FBXL17: variants seen among roughly 807,000 people sequenced by gnomAD.
FBXL17 encodes the protein F-box/LRR-repeat protein 17.
Under a neutral mutation model 66.2 loss-of-function variants are expected in FBXL17, and 22 were observed. The observed-to-expected ratio is 0.33, with a 90% CI of 0.24 to 0.47. The LOEUF is 0.47. Among genes scored for constraint, FBXL17 ranks in the 20% least tolerant of loss-of-function variants. The pLI is 1.00. For missense variants in FBXL17, 878 were observed against 948.2 expected (o/e 0.93, Z 0.97); for synonymous variants, 474 against 400.5 (o/e 1.18, Z -2.19).
At chr5:108,203,915 A>AAACATTTAACATTTCC (rs1402046778) in intron 5 of FBXL17, among the ~76,000 whole-genome samples, 5 of 152,154 alleles carry the variant, frequency 3.3e-5, no homozygotes, top group African/African-American at 9.6e-5. Context: ...TTTCCTTTAA[A>AAACATTTAACATTTCC]AACATTTAAC....
chr5:108,134,814 A>G (rs560525127), intron 6 of FBXL17, among the ~76,000 whole-genome samples: 1 of 152,294 alleles, frequency 6.6e-6, no homozygotes, highest in South Asian at 2.1e-4. Flanking sequence ...CTTCTGCAGA[A>G]ATCCTCAGAT....
chr5:108,087,057 T>G (rs1749002844), intron 6 of FBXL17, among the ~76,000 whole-genome samples: 1 of 152,132 alleles, frequency 6.6e-6, no homozygotes, highest in Admixed American at 6.5e-5. Flanking sequence ...ACACTGTCCA[T>G]GCACTGAATA....
intron 7 of FBXL17, among the ~76,000 whole-genome samples, chr5:107,977,091 T>C (rs1016185389): frequency 2.6e-4 from 39 of 152,176 alleles, no homozygotes; most frequent in African/African-American, 9.2e-4. Context: ...TAGTTGGGTA[T>C]AGGCAAGCAG....
intron 6 of FBXL17, among the ~76,000 whole-genome samples, chr5:108,162,421 A>AC (rs1456749525): frequency 1.3e-5 from 2 of 152,156 alleles, no homozygotes; most frequent in African/African-American, 2.4e-5. Context: ...GCTTGAGCCC[A>AC]CAAGTTCAAG....
Position 108,382,009 on chromosome 5 carries a change from G to T in FBXL17, c.-318C>A. 1 of 1,138,800 alleles carries T rather than the reference G, an allele frequency of 8.8e-7. No individual in the cohort carries two copies. The highest frequency in any genetic ancestry group is 4.1e-5 in the East Asian group (1 of 24,656). The allele number at this position is 1,138,800 out of a possible 1,614,324, so 70.5% of individuals were successfully genotyped here. A position where few individuals can be genotyped will look rare whatever the true frequency, so the allele number is the denominator to read the frequency against. The stretch of plus-strand genomic sequence containing the variant: ...AGTCCGGGCCCGGCCAGCCGGCTCA[G>T]TCAGTCAGCGGAGCGGCCGGGGAAA... On this transcript the variant is annotated 5_prime_UTR_variant, in exon 1 of 9. The change creates a new upstream start codon in the 5' untranslated region. Transcript: ENST00000542267.
At chr5:108,376,263 A>G (rs1749415064) in intron 1 of FBXL17, among the ~76,000 whole-genome samples, 1 of 152,178 alleles carries the variant, frequency 6.6e-6, no homozygotes, top group South Asian at 2.1e-4. Context: ...ATTGTACTGG[A>G]GATTCTGGCT....
chr5:108,317,830 A>G (rs547592066), intron 4 of FBXL17, among the ~76,000 whole-genome samples: 8 of 151,494 alleles, frequency 5.3e-5, no homozygotes, highest in African/African-American at 1.9e-4. Flanking sequence ...TATTAATGTA[A>G]ATGCAAAAGG....
At chr5:108,239,452 G>A (rs1755755192) in intron 4 of FBXL17, among the ~76,000 whole-genome samples, 1 of 152,160 alleles carries the variant, frequency 6.6e-6, no homozygotes, top group Non-Finnish European at 1.5e-5. Context: ...GTGCTTCCCT[G>A]TCATAGCGGA....
intron 4 of FBXL17, among the ~76,000 whole-genome samples, chr5:108,304,747 G>T (rs1186418946): frequency 1.3e-5 from 2 of 151,714 alleles, no homozygotes; most frequent in Non-Finnish European, 1.5e-5. Flanking sequence ...CCCTCATTTG[G>T]TATTTCTACC....
chr5:107,871,899 A>G (rs1748468878), intron 8 of FBXL17, among the ~76,000 whole-genome samples: 1 of 152,162 alleles, frequency 6.6e-6, no homozygotes, highest in Non-Finnish European at 1.5e-5. Context: ...ATTGAGGGGG[A>G]AAGCTCTCTG....
chr5:107,868,447 G>C (rs1278027064), intron 8 of FBXL17, among the ~76,000 whole-genome samples: 1 of 152,228 alleles, frequency 6.6e-6, no homozygotes, highest in Non-Finnish European at 1.5e-5. Context: ...TGGGTTGCAT[G>C]AGACTTTGAA....
rs1297236461 is a variant in FBXL17, at chr5:107,860,467, A to G, written c.*1253T>C. ...AATTGTAAAGATGTGTTAAATCAAA[A>G]CATATATTCATTTACTGATAGGTCT... On this transcript the variant is annotated 3_prime_UTR_variant, in exon 9 of 9. Coordinates refer to ENST00000542267, the MANE Select transcript of FBXL17 (RefSeq NM_001163315.3). 1 of 152,658 alleles carries G rather than the reference A, an allele frequency of 6.6e-6. No individual in the cohort carries two copies. The highest frequency in any genetic ancestry group is 2.4e-5 in the African/African-American group (1 of 41,468). The allele number at this position is 152,658 out of a possible 1,614,324, so 9.5% of individuals were successfully genotyped here.
At chr5:108,322,926 T>C (rs1343433709) in intron 4 of FBXL17, among the ~76,000 whole-genome samples, 2 of 151,952 alleles carry the variant, frequency 1.3e-5, no homozygotes, top group African/African-American at 4.8e-5. Flanking sequence ...CTAGAAAATG[T>C]ATAATGTGTA....
intron 3 of FBXL17, among the ~76,000 whole-genome samples, chr5:108,354,468 G>T (rs1196935829): frequency 6.6e-6 from 1 of 151,764 alleles, no homozygotes; most frequent in African/African-American, 2.4e-5. Context: ...GAAAAAAAAT[G>T]AACAGAATAT....
chr5:107,937,626 T>C (rs781685182), intron 7 of FBXL17, among the ~76,000 whole-genome samples: 1 of 152,196 alleles, frequency 6.6e-6, no homozygotes, highest in Non-Finnish European at 1.5e-5. Flanking sequence ...ACAATAATAC[T>C]GTAAGCTCCT....
chr5:108,020,335 C>A (rs1435054746), intron 7 of FBXL17, among the ~76,000 whole-genome samples: 2 of 151,840 alleles, frequency 1.3e-5, no homozygotes, highest in Admixed American at 6.6e-5. Flanking sequence ...ATTACTGCGA[C>A]AATATGACTT....
rs530355879 is a variant in FBXL17, at chr5:107,968,514, T to C, written c.1822+52411A>G. Reference sequence around the variant, plus strand: ...ACTCTTGCTAAACCATTCATAAATATGGAAAACATGGGATGAGAAACACTA... The same window carrying C: ...ACTCTTGCTAAACCATTCATAAATACGGAAAACATGGGATGAGAAACACTA... On this transcript the variant is annotated intron_variant, in intron 7 of 8. Transcript: ENST00000542267. Among the ~76,000 whole-genome samples, 17 of 152,210 alleles carry C rather than the reference T, an allele frequency of 1.1e-4. No individual in the cohort carries two copies. In the South Asian group the frequency reaches 1.9e-3, roughly 17 times the overall value.
At chr5:108,017,687 C>T (rs917720114) in intron 7 of FBXL17, among the ~76,000 whole-genome samples, 1 of 152,118 alleles carries the variant, frequency 6.6e-6, no homozygotes, top group Admixed American at 6.6e-5. Context: ...TTCCACAACA[C>T]TGCCAATGAC....
intron 4 of FBXL17, among the ~76,000 whole-genome samples, chr5:108,278,943 C>A (rs1403548785): frequency 2.0e-5 from 3 of 152,288 alleles, no homozygotes; most frequent in Non-Finnish European, 2.9e-5. Flanking sequence ...AGGTTACAAA[C>A]CCAATCCACC....
Sources: gnomAD v4.1 joint callset for allele counts (sites outside exome capture counted in the v4.1 genomes callset) on GRCh38, gnomAD v4.1.1 for gene constraint, MANE v1.5 for transcripts, NCBI Gene and HGNC (gene_info 2026-07-23, HGNC 2026-07-21) for gene names.